COL10A1: variants seen among roughly 807,000 people sequenced by gnomAD.
COL10A1 encodes the protein collagen type X alpha 1 chain, also known as collagen alpha-1(X) chain.
In COL10A1, 10 loss-of-function variants were observed where a neutral mutation model predicts 18.2. The observed-to-expected ratio is 0.55, with a 90% CI of 0.34 to 0.93. COL10A1 has a LOEUF of 0.93. Ranked by LOEUF, COL10A1 falls within the 40% of genes least tolerant of loss-of-function variation. The pLI, the probability that COL10A1 is intolerant of heterozygous loss-of-function variation, is 0.02. For synonymous variants in COL10A1, 330 were observed against 316.6 expected (o/e 1.04, Z -0.45); for missense variants, 897 against 853.5 (o/e 1.05, Z -0.64).
chr6:116,120,591 G>C lies in COL10A1; in HGVS notation c.1525C>G (p.Pro509Ala), dbSNP rs750042042. Residue 509 changes from proline (P) to alanine (A), a missense_variant, in exon 3 of 3, where the codon CCC (proline) becomes GCC (alanine). Pro to Ala is a conservative substitution (Grantham distance 27). Transcript: ENST00000651968. ...GHSGEPGLPG[P>A]PGPPGPPGQA... ...CCTGGTGGGCCTGGAGGCCCAGGGG[G>C]CCCTGGAAGACCAGGCTCTCCAGAG... 6.3e-7 allele frequency: 1 copy of C among 1,587,516 alleles called. No individual in the cohort carries two copies. The highest frequency in any genetic ancestry group is 1.8e-5 in the Admixed American group (1 of 54,698).
the COL10A1 span, among the ~76,000 whole-genome samples, chr6:116,183,725 G>A: frequency 6.6e-6 from 1 of 151,750 alleles, no homozygotes; most frequent in Admixed American, 6.6e-5. Context: ...GTATAGCAGG[G>A]CTACTCATTT....
At chr6:116,147,635 G>C (rs928385818) in intron 1 of COL10A1, among the ~76,000 whole-genome samples, 1 of 152,050 alleles carries the variant, frequency 6.6e-6, no homozygotes, top group Non-Finnish European at 1.5e-5. Flanking sequence ...CAAAGATTTA[G>C]TTTTATTTGT....
chr6:116,121,194 C>T lies in COL10A1; in HGVS notation c.922G>A (p.Gly308Arg), dbSNP rs1368764774. ...GGAAGGCCAGCAGGTCCTCTTTCTCCCTTCAGGCCTGGCAAGCCTGGTTTC... is the reference window on the plus strand; with the variant it reads ...GGAAGGCCAGCAGGTCCTCTTTCTCTCTTCAGGCCTGGCAAGCCTGGTTTC... ...FGKPGLPGLK[G>R]ERGPAGLPGG... The change falls in exon 3 of 3, where the codon GGA becomes AGA. Residue 308 changes from glycine to arginine, a missense_variant. Transcript: ENST00000651968. 1 of 1,613,408 alleles carries T rather than the reference C, an allele frequency of 6.2e-7. No homozygotes were observed. The highest frequency in any genetic ancestry group is 8.5e-7 in the Non-Finnish European group (1 of 1,179,796).
chr6:116,215,408 A>G, the COL10A1 span, among the ~76,000 whole-genome samples: 4 of 152,242 alleles, frequency 2.6e-5, no homozygotes, highest in East Asian at 1.9e-4. Flanking sequence ...AGCTCCTCCA[A>G]TGTTATGCCT....
the COL10A1 span, among the ~76,000 whole-genome samples, chr6:116,216,087 T>G: frequency 6.6e-6 from 1 of 152,050 alleles, no homozygotes; most frequent in East Asian, 1.9e-4. Context: ...AAATCTAGAG[T>G]ACCATGCTTA....
chr6:116,214,820 T>TA, the COL10A1 span, among the ~76,000 whole-genome samples: 433 of 142,520 alleles, frequency 3.0e-3, 2 homozygotes, highest in East Asian at 0.014. Context: ...TAAAGTATAA[T>TA]AAAAAAAAAA....
At chr6:116,162,885 T>C (rs1780367468), upstream of COL10A1, among the ~76,000 whole-genome samples, 2 of 151,998 alleles carry the variant, frequency 1.3e-5, no homozygotes, top group Admixed American at 6.6e-5. Context: ...CCCAGCACTT[T>C]GGGAGGCCAA....
chr6:116,163,591 TTG>T (rs1463688605), upstream of COL10A1, among the ~76,000 whole-genome samples: 2 of 152,202 alleles, frequency 1.3e-5, no homozygotes, highest in Non-Finnish European at 2.9e-5. Flanking sequence ...TGTTGATCCC[TTG>T]TGTGATATTT....
chr6:116,173,018 C>A, the COL10A1 span, among the ~76,000 whole-genome samples: 1 of 152,136 alleles, frequency 6.6e-6, no homozygotes, highest in East Asian at 1.9e-4. Context: ...CAGAGGAATA[C>A]AATTCACAGA....
At chr6:116,156,372 G>A (rs1780193841) in intron 1 of COL10A1, among the ~76,000 whole-genome samples, 2 of 152,058 alleles carry the variant, frequency 1.3e-5, no homozygotes, top group Admixed American at 6.6e-5. Flanking sequence ...TAGTTAGTTT[G>A]CTGGTTTAAT....
At chr6:116,209,615 A>T in the COL10A1 span, among the ~76,000 whole-genome samples, 1 of 151,944 alleles carries the variant, frequency 6.6e-6, no homozygotes, top group Non-Finnish European at 1.5e-5. Flanking sequence ...TCCAAGGTTC[A>T]CCAGGCAGCA....
chr6:116,145,351 TA>T (rs574021792), intron 1 of COL10A1: 368 of 266,714 alleles, frequency 1.4e-3, no homozygotes, highest in South Asian at 2.8e-3. Context: ...TATGAAATGC[TA>T]AAAAAAAATC....
the COL10A1 span, among the ~76,000 whole-genome samples, chr6:116,174,119 G>A: frequency 1.3e-5 from 2 of 152,050 alleles, no homozygotes; most frequent in Non-Finnish European, 2.9e-5. Flanking sequence ...TCATATGAGG[G>A]GTACATGCTG....
the COL10A1 span, among the ~76,000 whole-genome samples, chr6:116,172,209 C>G: frequency 6.6e-6 from 1 of 151,288 alleles, no homozygotes; most frequent in African/African-American, 2.4e-5. Flanking sequence ...TTATTTTTTT[C>G]ACTTTTACAT....
chr6:116,211,824 G>A, the COL10A1 span, among the ~76,000 whole-genome samples: 2 of 152,002 alleles, frequency 1.3e-5, no homozygotes, highest in African/African-American at 4.8e-5. Context: ...CTAAGTCTGT[G>A]GTTCTTCATG....
chr6:116,187,462 T>A, the COL10A1 span, among the ~76,000 whole-genome samples: 1 of 152,070 alleles, frequency 6.6e-6, no homozygotes, highest in Admixed American at 6.6e-5. Context: ...AGCAAATAAT[T>A]CATGGCTTAT....
chr6:116,142,998 A>T (rs1417234353), intron 1 of COL10A1, among the ~76,000 whole-genome samples: 1 of 152,170 alleles, frequency 6.6e-6, no homozygotes, highest in Non-Finnish European at 1.5e-5. Context: ...TATAGACATT[A>T]TGGTTTGTGT....
At chr6:116,181,612 T>A in the COL10A1 span, among the ~76,000 whole-genome samples, 10 of 152,222 alleles carry the variant, frequency 6.6e-5, no homozygotes, top group Non-Finnish European at 1.3e-4. Flanking sequence ...TTTTTTTCAT[T>A]ACATTAAAAT....
At chr6:116,153,189 T>C (rs1224059438) in intron 1 of COL10A1, among the ~76,000 whole-genome samples, 1 of 152,030 alleles carries the variant, frequency 6.6e-6, no homozygotes, top group Non-Finnish European at 1.5e-5. Flanking sequence ...AGTAGGGTTA[T>C]TAGAATTAAG....
Sources: gnomAD v4.1 joint callset for allele counts (sites outside exome capture counted in the v4.1 genomes callset) on GRCh38, gnomAD v4.1.1 for gene constraint, MANE v1.5 for transcripts, NCBI Gene and HGNC (gene_info 2026-07-23, HGNC 2026-07-21) for gene names.